Variants in SETD1A observed in about 807,000 individuals in gnomAD.
SETD1A encodes histone-lysine N-methyltransferase SETD1A.
SETD1A carries 29 observed loss-of-function variants against 149.9 expected under a neutral mutation model. The observed-to-expected ratio is 0.19, with a 90% CI of 0.14 to 0.26. SETD1A has a LOEUF of 0.26. Ranked by LOEUF, SETD1A falls within the 10% of genes least tolerant of loss-of-function variation. SETD1A has a pLI of 1.00. For synonymous variants in SETD1A, 1,141 were observed against 968.5 expected, an observed-to-expected ratio of 1.18 and a Z score of -3.31; for missense variants, 2,109 against 2,353.1, an observed-to-expected ratio of 0.90 and a Z score of 2.15.
At chr16:30,975,478 G>A (rs1014641688) in intron 13 of SETD1A, among the ~76,000 whole-genome samples, 10 of 138,784 alleles carry the variant, frequency 7.2e-5, no homozygotes, top group South Asian at 2.4e-4. Context: ...TTACCCAGCC[G>A]GGAGTGCAGT....
At position 30,965,677 on chromosome 16, in the gene SETD1A, C is replaced by G. The variant is rs759133316; in HGVS notation, c.1796C>G (p.Thr599Arg). 1.7e-5 allele frequency: 28 copies of G among 1,606,188 alleles called. 1 individual carries two copies. In the African/African-American group the frequency reaches 3.8e-4, roughly 22 times the overall value. ...DRGGSPPPAP[T>R]PPQQPPPPPP... ...GGTGGCTCACCCCCTCCGGCCCCGA[C>G]GCCCCCTCAGCAGCCTCCGCCACCT... The change falls in exon 8 of 19, where the codon ACG becomes AGG. Residue 599 changes from threonine (T) to arginine (R), a missense_variant. This residue lies in a region of SETD1A where 431 missense variants were observed against 388.6 expected (regional missense o/e 1.11). Coordinates refer to ENST00000262519, the MANE Select transcript of SETD1A (RefSeq NM_014712.3).
chr16:30,982,122 T>C (rs1430698263), intron 17 of SETD1A, among the ~76,000 whole-genome samples: 1 of 152,168 alleles, frequency 6.6e-6, no homozygotes, highest in Non-Finnish European at 1.5e-5. Context: ...GTAGTGTGTG[T>C]GCGCTTGGTT....
chr16:30,981,679 G>A (rs1201587876), intron 17 of SETD1A, among the ~76,000 whole-genome samples: 3 of 152,194 alleles, frequency 2.0e-5, no homozygotes, highest in Admixed American at 6.5e-5. Flanking sequence ...CCAGCCAAGC[G>A]CTGCTCCCTT....
Position 30,961,165 on chromosome 16 carries a change from G to A in SETD1A, c.247-102G>A, listed in dbSNP as rs1035343735. 5.5e-5 allele frequency: 69 copies of A among 1,247,690 alleles called. No individual in the cohort carries two copies. The highest frequency in any genetic ancestry group is 1.9e-4 in the Middle Eastern group (1 of 5,176). The allele number at this position is 1,247,690 out of a possible 1,614,324, so 77.3% of individuals were successfully genotyped here. A position where few individuals can be genotyped will look rare whatever the true frequency, so the allele number is the denominator to read the frequency against. ...CCCTTCCCTTGCCCCTCACTTTCCCGGATCTCTCTCTTGACTTCATGGAGC... is the reference window on the plus strand; with the variant it reads ...CCCTTCCCTTGCCCCTCACTTTCCCAGATCTCTCTCTTGACTTCATGGAGC... On this transcript the variant is annotated intron_variant, in intron 3 of 18. Transcript: ENST00000262519. This position sits in a 1 kb window ranked among gnomAD's most constrained non-coding sequence, Gnocchi z 4.0.
chr16:30,961,224 G>T lies in SETD1A; in HGVS notation c.247-43G>T, dbSNP rs1180119443. 6.3e-7 allele frequency: 1 copy of T among 1,596,436 alleles called. No homozygotes were observed. Among genetic ancestry groups the T allele is most frequent in the South Asian group, 1.1e-5 (1 of 90,018 alleles). On this transcript the variant is annotated intron_variant, in intron 3 of 18. Coordinates refer to ENST00000262519, the MANE Select transcript of SETD1A (RefSeq NM_014712.3). The surrounding 1 kb of genome is among the most constrained non-coding windows in gnomAD (Gnocchi z 4.0). ...GTTTCCCGAAGGACAAAGGAACAGT[G>T]GTCAGTGTTGAGACCCCATACCAAC...
At chr16:30,969,741 G>C in intron 12 of SETD1A, 52 bp downstream of exon 12, 1 of 1,431,982 alleles carries the variant, frequency 7.0e-7, no homozygotes, top group African/African-American at 1.4e-5. Flanking sequence ...GGGTTCGGCT[G>C]CCTGGCTAGC....
chr16:30,975,095 C>T (rs968830703), intron 13 of SETD1A, among the ~76,000 whole-genome samples: 63 of 152,106 alleles, frequency 4.1e-4, no homozygotes, highest in Non-Finnish European at 7.8e-4. Context: ...TAGCCATGAG[C>T]CGAGATCGTG....
chr16:30,980,489 C>T lies in SETD1A; in HGVS notation c.4413C>T (p.Thr1471=), dbSNP rs764112492. Residue 1471 remains threonine (T), a synonymous_variant, in exon 15 of 19, where the codon ACC becomes ACT. Transcript: ENST00000262519. The surrounding 1 kb of genome is among the most constrained non-coding windows in gnomAD (Gnocchi z 7.7). ...NDTHWVHHTI[T]NLTTPKRKRR... Reference sequence around the variant, plus strand: ...CTCTTCCTTAACACCCTGCACTCACCAACCTGACCACCCCAAAACGCAAGC... The same window carrying T: ...CTCTTCCTTAACACCCTGCACTCACTAACCTGACCACCCCAAAACGCAAGC... 8 of 1,612,966 alleles carry T rather than the reference C, an allele frequency of 5.0e-6. No individual in the cohort carries two copies. The Admixed American group carries it at 6.7e-5, about 13-fold the overall frequency.
rs746317083 is a variant in SETD1A, at chr16:30,965,215, C to T, written c.1473C>T (p.Arg491=). The part of the protein sequence containing the change: ...PFAQHSSLDS[R]IEMLLKEQRS... ...CCCAGCACAGCAGCCTGGATTCCCG[C>T]ATCGAGATGCTGCTGAAGGAGCAGC... Residue 491 remains arginine (R), a synonymous_variant, in exon 7 of 19, where the codon CGC becomes CGT. Transcript: ENST00000262519. 1 of 1,614,118 alleles carries T rather than the reference C, an allele frequency of 6.2e-7. No homozygotes were observed. The highest frequency in any genetic ancestry group is 1.3e-5 in the African/African-American group (1 of 74,948).
intron 8 of SETD1A, 45 bp from the exon 9 acceptor site, chr16:30,966,839 G>A: frequency 6.7e-7 from 1 of 1,498,880 alleles, no homozygotes; most frequent in South Asian, 1.3e-5. Context: ...AGGAGGGAAT[G>A]CCTGGGTTCT....
At chr16:30,970,460 G>A (rs1396644450) in intron 12 of SETD1A, among the ~76,000 whole-genome samples, 1 of 151,914 alleles carries the variant, frequency 6.6e-6, no homozygotes, top group Non-Finnish European at 1.5e-5. Context: ...CAGAGATGGG[G>A]TTTTACCATG....
At chr16:30,963,073 G>A (rs754863075) in intron 4 of SETD1A, among the ~76,000 whole-genome samples, 3 of 152,210 alleles carry the variant, frequency 2.0e-5, no homozygotes, top group African/African-American at 4.8e-5. Context: ...TGGGGTGATC[G>A]AGCCTCTGGG....
intron 13 of SETD1A, among the ~76,000 whole-genome samples, chr16:30,973,721 A>G (rs1231164596): frequency 6.6e-6 from 1 of 152,078 alleles, no homozygotes; most frequent in African/African-American, 2.4e-5. Flanking sequence ...GTTGTTGAGA[A>G]TCCGTGGTCT....
rs1467056731 is a variant in SETD1A, at chr16:30,964,711, C to G, written c.969C>G (p.Ala323=). 2 of 1,614,194 alleles carry G rather than the reference C, an allele frequency of 1.2e-6. No homozygotes were observed. Among genetic ancestry groups the G allele is most frequent in the Non-Finnish European group, 8.5e-7 (1 of 1,180,042 alleles). ...HFSASSASTT[A]STAIAATTAA... ...CTGCATCTTCAGCCTCCACAACCGC[C>G]TCCACGGCCATCGCCGCCACCACTG... is the stretch of plus-strand genomic sequence containing the variant. Residue 323 remains alanine (A), a synonymous_variant, in exon 7 of 19, where the codon GCC becomes GCG. Transcript: ENST00000262519.
intron 3 of SETD1A, among the ~76,000 whole-genome samples, chr16:30,959,749 CTTCTTT>C (rs780660748): frequency 7.3e-6 from 1 of 136,938 alleles, no homozygotes. Context: ...CATTCTTCTT[CTTCTTT>C]TTTTTTTTTT....
In SETD1A at chr16:30,980,848, A is replaced by AGGTGAG. The variant is rs781406668; in HGVS notation, c.4692+1_4692+6dup. On this transcript the variant is annotated inframe_insertion and splice_region_variant, in exon 16 of 19. Transcript: ENST00000262519. The surrounding 1 kb of genome is among the most constrained non-coding windows in gnomAD (Gnocchi z 7.7). ...GACCTGCTGAAACTCAACCAGCTCAAGGTGAGGCTGGGCTGCAGGAGGGGC... is the reference window on the plus strand; with the variant it reads ...GACCTGCTGAAACTCAACCAGCTCAAGGTGAGGGTGAGGCTGGGCTGCAGGAGGGGC... 6.6e-6 allele frequency: 6 copies of AGGTGAG among 902,768 alleles called. No homozygotes were observed. In the South Asian group the frequency reaches 6.8e-5, roughly 10 times the overall value. 55.9% of individuals were successfully genotyped at this position (902,768 alleles called of 1,614,324 possible). A position where few individuals can be genotyped will look rare whatever the true frequency, so the allele number is the denominator to read the frequency against.
At chr16:30,962,519 T>C (rs1274907051) in intron 4 of SETD1A, among the ~76,000 whole-genome samples, 2 of 152,170 alleles carry the variant, frequency 1.3e-5, no homozygotes, top group Non-Finnish European at 2.9e-5. Flanking sequence ...GGCTTCTGTG[T>C]TGAGTGATGG....
intron 13 of SETD1A, among the ~76,000 whole-genome samples, chr16:30,977,268 G>A (rs2056296278): frequency 6.6e-6 from 1 of 152,050 alleles, no homozygotes; most frequent in South Asian, 2.1e-4. Flanking sequence ...CTAATAACCA[G>A]AACCAGTTTC....
chr16:30,979,084 C>A, intron 13 of SETD1A, 61 bp from the exon 14 acceptor site: 4 of 1,469,586 alleles, frequency 2.7e-6, no homozygotes, highest in Non-Finnish European at 3.6e-6. Flanking sequence ...TCATGGGCGG[C>A]CAGGGTGGCT....
Sources: gnomAD v4.1 joint callset for allele counts (sites outside exome capture counted in the v4.1 genomes callset) on GRCh38, gnomAD v4.1.1 for gene constraint, gnomAD v4.1.1 regional missense constraint, Gnocchi (gnomAD v3.1) non-coding constraint, MANE v1.5 for transcripts, NCBI Gene and HGNC (gene_info 2026-07-23, HGNC 2026-07-21) for gene names.